PTPN1: variants seen among roughly 807,000 people sequenced by gnomAD.
The protein encoded by PTPN1 is tyrosine-protein phosphatase non-receptor type 1.
PTPN1 carries 12 observed loss-of-function variants against 59.9 expected under a neutral mutation model. The ratio of observed to expected loss-of-function variants is 0.20; its 90% confidence interval spans 0.13 to 0.32. The LOEUF is 0.32. Among genes scored for constraint, PTPN1 ranks in the 10% least tolerant of loss-of-function variants. PTPN1 has a pLI of 1.00. For synonymous variants in PTPN1, 178 were observed against 203.6 expected (o/e 0.87, Z 1.07); for missense variants, 356 against 549.2 (o/e 0.65, Z 3.52).
chr20:50,523,127 A>G (rs987609460), intron 1 of PTPN1, among the ~76,000 whole-genome samples: 2 of 152,124 alleles, frequency 1.3e-5, no homozygotes, highest in African/African-American at 4.8e-5. Context: ...TTGGTGATTT[A>G]TCGAATGTGG....
chr20:50,516,332 G>T (rs527849584), intron 1 of PTPN1, among the ~76,000 whole-genome samples: 1 of 152,114 alleles, frequency 6.6e-6, no homozygotes, highest in African/African-American at 2.4e-5. Flanking sequence ...AGTGTCCCCT[G>T]TGTCTGGGTA....
At chr20:50,566,444 G>C (rs1348012346) in intron 3 of PTPN1, among the ~76,000 whole-genome samples, 1 of 152,120 alleles carries the variant, frequency 6.6e-6, no homozygotes, top group Non-Finnish European at 1.5e-5. Flanking sequence ...GAGAAGCTCT[G>C]TCTGGTTTGT....
chr20:50,520,404 C>G (rs1166435773), intron 1 of PTPN1, among the ~76,000 whole-genome samples: 1 of 151,090 alleles, frequency 6.6e-6, no homozygotes. Context: ...GATTTCTTTG[C>G]TTTGTGACAC....
Position 50,583,918 on chromosome 20 carries a change from C to G in PTPN1, c.*1203C>G, listed in dbSNP as rs548572196. The G allele has an allele frequency of 6.5e-4, 99 of 152,714 alleles. No individual in the cohort carries two copies. Among genetic ancestry groups the G allele is most frequent in the African/African-American group, 2.4e-3 (98 of 41,554 alleles). The allele number at this position is 152,714 out of a possible 1,614,324, so 9.5% of individuals were successfully genotyped here. ...AAGTCAACACTCTTCTTGAGCAGACCGTGATTTGGAAGAGAGGCACCTGCT... is the reference window on the plus strand; with the variant it reads ...AAGTCAACACTCTTCTTGAGCAGACGGTGATTTGGAAGAGAGGCACCTGCT... On this transcript the variant is annotated 3_prime_UTR_variant, in exon 10 of 10. Transcript: ENST00000371621.
Position 50,582,612 on chromosome 20 carries a change from G to C in PTPN1, c.1285-80G>C. On this transcript the variant is annotated intron_variant, in intron 9 of 9. Coordinates refer to ENST00000371621, the MANE Select transcript of PTPN1 (RefSeq NM_002827.4). The surrounding 1 kb of genome is among the most constrained non-coding windows in gnomAD (Gnocchi z 4.2). ...CCTCGGAGGTTGAAGTTGCCGGGGG[G>C]TGTGGCCGGGGTCATGCATGAGGCG... 1 of 1,487,274 alleles carries C rather than the reference G, an allele frequency of 6.7e-7. No individual in the cohort carries two copies. The highest frequency in any genetic ancestry group is 9.3e-7 in the Non-Finnish European group (1 of 1,078,180). The allele number at this position is 1,487,274 out of a possible 1,614,324, so 92.1% of individuals were successfully genotyped here.
intron 1 of PTPN1, among the ~76,000 whole-genome samples, chr20:50,522,129 T>C (rs996333960): frequency 6.6e-6 from 1 of 152,214 alleles, no homozygotes; most frequent in Non-Finnish European, 1.5e-5. Context: ...ATAAAATCAT[T>C]GGCCAGGTAC....
intron 1 of PTPN1, among the ~76,000 whole-genome samples, chr20:50,560,979 C>T (rs1291339430): frequency 2.0e-5 from 3 of 152,164 alleles, no homozygotes; most frequent in Non-Finnish European, 4.4e-5. Flanking sequence ...CCAGGCCTGG[C>T]ATTCAAGGCT....
rs759497564 is a variant in PTPN1 at position 50,579,137 on chromosome 20, G to A, written c.703-31G>A. On this transcript the variant is annotated intron_variant, in intron 6 of 9. Transcript: ENST00000371621. The stretch of plus-strand genomic sequence containing the variant: ...AACGTTGCCCTTGAGAATTGGACCT[G>A]GCTGACTTATATCTCCTCTCTGGCT... The A allele has an allele frequency of 1.9e-6, 3 of 1,611,032 alleles. No homozygotes were observed. The African/African-American group carries it at 4.0e-5, about 22-fold the overall frequency.
chr20:50,553,859 A>T (rs547969653), intron 1 of PTPN1, among the ~76,000 whole-genome samples: 1 of 152,292 alleles, frequency 6.6e-6, no homozygotes, highest in East Asian at 1.9e-4. Flanking sequence ...ATTTAGCTGG[A>T]TAGGATTAAT....
chr20:50,531,129 C>A (rs912487767), intron 1 of PTPN1, among the ~76,000 whole-genome samples: 2 of 152,110 alleles, frequency 1.3e-5, no homozygotes, highest in Non-Finnish European at 2.9e-5. Context: ...TTTCCTGGAG[C>A]CTTTGATTGC....
At chr20:50,557,974 A>G (rs1418490837) in intron 1 of PTPN1, 1 of 152,370 alleles carries the variant, frequency 6.6e-6, no homozygotes, top group Non-Finnish European at 1.5e-5. Context: ...AGCTGAGACT[A>G]CAGACACTTG....
Position 50,568,357 on chromosome 20 carries a change from GT to G in PTPN1, c.256-21del, listed in dbSNP as rs1568792984. ...GCATGTTATGTTTCAGATGTCACAT[GT>G]TGTGTTATTGTGTCTTTGCAGGGCC... On this transcript the variant is annotated intron_variant, in intron 3 of 9. Coordinates refer to ENST00000371621, the MANE Select transcript of PTPN1 (RefSeq NM_002827.4). This position sits in a 1 kb window ranked among gnomAD's most constrained non-coding sequence, Gnocchi z 5.6. 13 of 1,597,978 alleles carry G rather than the reference GT, an allele frequency of 8.1e-6. No individual in the cohort carries two copies. The highest frequency in any genetic ancestry group is 1.1e-5 in the Non-Finnish European group (13 of 1,165,420).
At chr20:50,512,068 C>T (rs1221518341) in intron 1 of PTPN1, among the ~76,000 whole-genome samples, 1 of 152,060 alleles carries the variant, frequency 6.6e-6, no homozygotes, top group East Asian at 1.9e-4. Context: ...TTAGTTTCTG[C>T]TAGACTAATA....
intron 2 of PTPN1, chr20:50,563,106 C>CA (rs11483604): frequency 0.6 from 55,390 of 92,906 alleles, 14,667 homozygotes; most frequent in East Asian, 0.72. Context: ...CTTGACTAGC[C>CA]AAAAAAAAAA....
chr20:50,528,962 C>G (rs2082589354), intron 1 of PTPN1, among the ~76,000 whole-genome samples: 1 of 151,980 alleles, frequency 6.6e-6, no homozygotes, highest in Non-Finnish European at 1.5e-5. Context: ...TGGTGTTTTC[C>G]CCCCATGAGA....
intron 1 of PTPN1, among the ~76,000 whole-genome samples, chr20:50,533,699 C>G (rs561233518): frequency 1.3e-5 from 2 of 152,050 alleles, no homozygotes; most frequent in East Asian, 1.9e-4. Flanking sequence ...TGCCCCCCCC[C>G]AGAAAGGAAG....
At chr20:50,555,087 T>G (rs2082720476) in intron 1 of PTPN1, among the ~76,000 whole-genome samples, 1 of 151,862 alleles carries the variant, frequency 6.6e-6, no homozygotes, top group Non-Finnish European at 1.5e-5. Context: ...ACAAATTAAA[T>G]CCAAAGTAAG....
chr20:50,556,521 G>A (rs930380569), intron 1 of PTPN1, among the ~76,000 whole-genome samples: 6 of 152,106 alleles, frequency 3.9e-5, no homozygotes, highest in African/African-American at 1.4e-4. Flanking sequence ...TCTCTAGTAT[G>A]AGTCAAAAAC....
Position 50,581,427 on chromosome 20 carries a change from G to T in PTPN1, c.1251G>T (p.Thr417=), listed in dbSNP as rs1338688841. 2 of 1,613,072 alleles carry T rather than the reference G, an allele frequency of 1.2e-6. No homozygotes were observed. The highest frequency in any genetic ancestry group is 1.7e-6 in the Non-Finnish European group (2 of 1,179,112). The change falls in exon 9 of 10, where the codon ACG becomes ACT. Residue 417 remains threonine (T), a synonymous_variant. Coordinates refer to ENST00000371621, the MANE Select transcript of PTPN1 (RefSeq NM_002827.4). ...KPFLVNMCVA[T]VLTAGAYLCY... ...TCCTGGTCAACATGTGCGTGGCTAC[G>T]GTCCTCACGGCCGGCGCTTACCTCT...
Sources: gnomAD v4.1 joint callset for allele counts (sites outside exome capture counted in the v4.1 genomes callset) on GRCh38, gnomAD v4.1.1 for gene constraint, Gnocchi (gnomAD v3.1) non-coding constraint, MANE v1.5 for transcripts, NCBI Gene and HGNC (gene_info 2026-07-23, HGNC 2026-07-21) for gene names.